The following CAPSL variants were observed in gnomAD, a reference collection of about 807,000 sequenced individuals.
The protein encoded by CAPSL is calcyphosine like, also known as calcyphosin-like protein.
A neutral mutation model predicts 21.3 loss-of-function variants in CAPSL; 17 were observed. The ratio of observed to expected loss-of-function variants is 0.80; its 90% CI spans 0.55 to 1.20. CAPSL has a LOEUF of 1.20. Ranked by LOEUF, CAPSL falls within the 50% of genes most tolerant of loss-of-function variation. The pLI is 0.00. For missense variants in CAPSL, 289 were observed against 259.3 expected (o/e 1.11, Z -0.79); for synonymous variants, 102 against 89.3 (o/e 1.14, Z -0.80).
intron 1 of CAPSL, among the ~76,000 whole-genome samples, chr5:35,929,285 T>C (rs1738761462): frequency 6.7e-6 from 1 of 150,034 alleles, no homozygotes; most frequent in Non-Finnish European, 1.5e-5. Flanking sequence ...GTTCCTTTTT[T>C]TTTTTTTTTT....
At chr5:35,906,197 T>C (rs1760674311) in intron 4 of CAPSL, among the ~76,000 whole-genome samples, 1 of 152,206 alleles carries the variant, frequency 6.6e-6, no homozygotes, top group South Asian at 2.1e-4. Flanking sequence ...AAACTCCCGA[T>C]ATTTTTAGTT....
intron 2 of CAPSL, among the ~76,000 whole-genome samples, chr5:35,919,170 A>AAAAAAAT (rs754098152): frequency 0.032 from 3,838 of 121,150 alleles, 124 homozygotes; most frequent in East Asian, 0.13. Context: ...TAAAAAAAAA[A>AAAAAAAT]ATATATATAT....
intron 2 of CAPSL, among the ~76,000 whole-genome samples, chr5:35,913,000 G>A (rs1738272469): frequency 6.6e-6 from 1 of 152,154 alleles, no homozygotes; most frequent in African/African-American, 2.4e-5. Context: ...AACCACTGCA[G>A]AGAAGTCCTT....
chr5:35,936,948 T>C (rs6890660), intron 1 of CAPSL, among the ~76,000 whole-genome samples: 131,497 of 152,228 alleles, frequency 0.86, 56,969 homozygotes, highest in East Asian at 1. Context: ...TTCCTTACTC[T>C]TTGCTTCAGG....
At chr5:35,908,894 A>C (rs1488830197) in intron 4 of CAPSL, among the ~76,000 whole-genome samples, 1 of 152,172 alleles carries the variant, frequency 6.6e-6, no homozygotes, top group Non-Finnish European at 1.5e-5. Context: ...CCTTCAGAAG[A>C]GGAAGGTTTA....
chr5:35,930,269 G>T (rs1298785250), intron 1 of CAPSL, among the ~76,000 whole-genome samples: 2 of 152,148 alleles, frequency 1.3e-5, no homozygotes, highest in African/African-American at 4.8e-5. Flanking sequence ...TCAATAGGCA[G>T]GTTTGTGTAG....
At chr5:35,923,692 G>A (rs1355476418) in intron 1 of CAPSL, among the ~76,000 whole-genome samples, 1 of 146,974 alleles carries the variant, frequency 6.8e-6, no homozygotes, top group African/African-American at 2.5e-5. Context: ...GAAATATTCA[G>A]AATAGGCAAA....
chr5:35,914,334 G>C (rs968821480), intron 2 of CAPSL, among the ~76,000 whole-genome samples: 14 of 152,230 alleles, frequency 9.2e-5, no homozygotes, highest in African/African-American at 3.1e-4. Flanking sequence ...TCCAGGAATT[G>C]AACTAAGTTC....
intron 2 of CAPSL, among the ~76,000 whole-genome samples, chr5:35,915,326 T>C (rs943119603): frequency 3.6e-4 from 55 of 152,196 alleles, no homozygotes; most frequent in African/African-American, 1.3e-3. Context: ...TTCCAGTCAA[T>C]AGAAAAAGAG....
chr5:35,933,071 A>G (rs2149934130), intron 1 of CAPSL, among the ~76,000 whole-genome samples: 1 of 152,338 alleles, frequency 6.6e-6, no homozygotes, highest in Admixed American at 6.5e-5. Flanking sequence ...AAAGTTAAAT[A>G]GTTGCATCAT....
intron 1 of CAPSL, among the ~76,000 whole-genome samples, chr5:35,929,681 G>T (rs16902617): frequency 0.012 from 1,852 of 152,314 alleles, 44 homozygotes; most frequent in African/African-American, 0.043. Context: ...GAAGGTCCAT[G>T]AAGTAAGAGA....
At chr5:35,930,856 G>C (rs1362468247) in intron 1 of CAPSL, among the ~76,000 whole-genome samples, 2 of 152,142 alleles carry the variant, frequency 1.3e-5, no homozygotes, top group Non-Finnish European at 2.9e-5. Context: ...ACCAGTTCTA[G>C]CCAAAGGGAC....
Position 35,920,317 on chromosome 5 carries a change from G to C in CAPSL, c.137+667C>G, listed in dbSNP as rs145601378. Among the ~76,000 whole-genome samples, 325 of 152,270 alleles carry C rather than the reference G, an allele frequency of 2.1e-3. 1 individual carries two copies. Among genetic ancestry groups the C allele is most frequent in the Non-Finnish European group, 2.4e-3 (160 of 68,022 alleles). On this transcript the variant is annotated intron_variant, in intron 2 of 4. Coordinates refer to ENST00000651391, the MANE Select transcript of CAPSL (RefSeq NM_001042625.2). ...CCTCCATGGGGGCTTAAGAAGCCTTGTTCACCCACGGGTCCCTGAGATGTG... is the reference window on the plus strand; with the variant it reads ...CCTCCATGGGGGCTTAAGAAGCCTTCTTCACCCACGGGTCCCTGAGATGTG...
At chr5:35,907,689 T>C (rs1232290733) in intron 4 of CAPSL, among the ~76,000 whole-genome samples, 3 of 152,172 alleles carry the variant, frequency 2.0e-5, no homozygotes, top group Non-Finnish European at 4.4e-5. Context: ...GATTATCAAG[T>C]TTGAACATTA....
At chr5:35,937,571 T>C (rs888227731) in intron 1 of CAPSL, among the ~76,000 whole-genome samples, 1 of 152,230 alleles carries the variant, frequency 6.6e-6, no homozygotes, top group Non-Finnish European at 1.5e-5. Context: ...GACAATGTAA[T>C]TCGTTTTCGA....
At chr5:35,910,156 T>C in intron 3 of CAPSL, 81 bp from the exon 4 acceptor site, 1 of 1,232,122 alleles carries the variant, frequency 8.1e-7, no homozygotes, top group East Asian at 2.3e-5. Context: ...AAATATCTCA[T>C]TCCCCTCAAC....
chr5:35,936,466 C>T (rs1172935243), intron 1 of CAPSL, among the ~76,000 whole-genome samples: 1 of 152,178 alleles, frequency 6.6e-6, no homozygotes. Context: ...TCTCATGCCC[C>T]ATTCATACTT....
rs371821824 is a variant in CAPSL, at chr5:35,921,160, C to A, written c.1-40G>T. ...TAGCATGTTAGCAAAGTCCAGGCCTCGCCGCTGCCTCTGGCTGGGCAGAGT... is the reference window on the plus strand; with the variant it reads ...TAGCATGTTAGCAAAGTCCAGGCCTAGCCGCTGCCTCTGGCTGGGCAGAGT... On this transcript the variant is annotated intron_variant, in intron 1 of 4. Coordinates refer to ENST00000651391, the MANE Select transcript of CAPSL (RefSeq NM_001042625.2). 5 of 1,602,382 alleles carry A rather than the reference C, an allele frequency of 3.1e-6. No homozygotes were observed. In the South Asian group the frequency reaches 4.5e-5, roughly 14 times the overall value.
chr5:35,904,637 C>T lies in CAPSL; in HGVS notation c.535G>A (p.Glu179Lys). 1 of 1,613,334 alleles carries T rather than the reference C, an allele frequency of 6.2e-7. No individual in the cohort carries two copies. Among genetic ancestry groups the T allele is most frequent in the Non-Finnish European group, 8.5e-7 (1 of 1,179,826 alleles). The part of the protein sequence containing the change: ...PYDKDGLVTP[E>K]EFMNYYAGVS... Reference sequence around the variant, plus strand: ...CCTGCATAGTAGTTCATGAACTCCTCAGGGGTCACCTGCAGTGGAAAAGTT... The same window carrying T: ...CCTGCATAGTAGTTCATGAACTCCTTAGGGGTCACCTGCAGTGGAAAAGTT... Residue 179 changes from glutamate to lysine, a missense_variant, in exon 5 of 5, where the codon GAG becomes AAG. By Grantham distance (56) the Glu-to-Lys change is moderately conservative. Transcript: ENST00000651391.
Sources: allele counts gnomAD v4.1 joint callset (sites outside exome capture counted in the v4.1 genomes callset), GRCh38; gene constraint gnomAD v4.1.1; transcripts MANE v1.5; gene names NCBI Gene and HGNC (gene_info 2026-07-23, HGNC 2026-07-21).